Variants in RNF144A observed in about 807,000 individuals in gnomAD.
RNF144A encodes E3 ubiquitin-protein ligase RNF144A.
In RNF144A, 11 loss-of-function variants were observed where a neutral mutation model predicts 38.7. The ratio of observed to expected loss-of-function variants is 0.28; its 90% CI spans 0.18 to 0.47. The LOEUF is 0.47. RNF144A is among the 20% of genes least tolerant of loss of function. RNF144A has a pLI of 0.99. For synonymous variants in RNF144A, 149 were observed against 143.9 expected (o/e 1.04, Z -0.25); for missense variants, 316 against 377.2 (o/e 0.84, Z 1.34).
downstream of RNF144A, among the ~76,000 whole-genome samples, chr2:7,072,936 A>T (rs1336108239): frequency 6.6e-6 from 1 of 152,180 alleles, no homozygotes; most frequent in Non-Finnish European, 1.5e-5. Context: ...CTAGCATCTG[A>T]TCTGGAATCT....
chr2:7,068,357 T>C, downstream of RNF144A: 1 of 734,614 alleles, frequency 1.4e-6, no homozygotes, highest in Non-Finnish European at 2.1e-6. Context: ...TGAAACTTTA[T>C]AGTGAAAATG....
chr2:6,923,944 C>T (rs138560877), intron 1 of RNF144A, among the ~76,000 whole-genome samples: 1 of 152,308 alleles, frequency 6.6e-6, no homozygotes, highest in African/African-American at 2.4e-5. Flanking sequence ...CAGTGCCTAT[C>T]ATGCTCTTTC....
chr2:6,940,204 C>T (rs536998327), intron 1 of RNF144A, among the ~76,000 whole-genome samples: 5 of 152,158 alleles, frequency 3.3e-5, no homozygotes, highest in Non-Finnish European at 5.9e-5. Context: ...CTTCCATCCA[C>T]GAACATGGGA....
Position 6,941,217 on chromosome 2 carries a change from A to G in RNF144A, c.-12+70A>G, listed in dbSNP as rs1390725816. 5 of 152,362 alleles carry G rather than the reference A, an allele frequency of 3.3e-5. No homozygotes were observed. Among genetic ancestry groups the G allele is most frequent in the African/African-American group, 1.2e-4 (5 of 41,594 alleles). 9.4% of individuals were successfully genotyped at this position (152,362 alleles called of 1,614,324 possible). A position where few individuals can be genotyped will look rare whatever the true frequency, so the allele number is the denominator to read the frequency against. On this transcript the variant is annotated intron_variant, in intron 2 of 8. Transcript: ENST00000320892. The surrounding 1 kb of genome is among the most constrained non-coding windows in gnomAD (Gnocchi z 6.5). ...TCTCTTCTTAGTGGAATCTCAGGCCATTGTTGGAAAAGATAGTAGGCCTGC... is the reference window on the plus strand; with the variant it reads ...TCTCTTCTTAGTGGAATCTCAGGCCGTTGTTGGAAAAGATAGTAGGCCTGC...
chr2:7,073,783 G>T, the RNF144A span, among the ~76,000 whole-genome samples: 361 of 152,278 alleles, frequency 2.4e-3, 1 homozygote, highest in Admixed American at 4.9e-3. Flanking sequence ...GATATAAATT[G>T]GTCCTTGTAG....
At chr2:7,058,214 G>A (rs192380926) in intron 6 of RNF144A, among the ~76,000 whole-genome samples, 73 of 151,864 alleles carry the variant, frequency 4.8e-4, no homozygotes, top group African/African-American at 1.7e-3. Context: ...CAAAAAGTAG[G>A]AATTAGATCA....
At chr2:7,076,193 G>GT in the RNF144A span, among the ~76,000 whole-genome samples, 3 of 152,030 alleles carry the variant, frequency 2.0e-5, no homozygotes, top group Non-Finnish European at 4.4e-5. Context: ...GTGGTTGACA[G>GT]TTTTTTTCTA....
At chr2:6,948,143 A>C (rs1181355716) in intron 2 of RNF144A, among the ~76,000 whole-genome samples, 1 of 152,204 alleles carries the variant, frequency 6.6e-6, no homozygotes, top group Non-Finnish European at 1.5e-5. Context: ...TCCCAGCTGC[A>C]AGGAAGACTG....
chr2:6,992,589 G>A (rs1669466105), intron 2 of RNF144A, among the ~76,000 whole-genome samples: 1 of 152,210 alleles, frequency 6.6e-6, no homozygotes, highest in Non-Finnish European at 1.5e-5. Context: ...CTTGCTGGAG[G>A]AAGGCATGAA....
chr2:6,948,975 G>T (rs1161791249), intron 2 of RNF144A, among the ~76,000 whole-genome samples: 2 of 152,204 alleles, frequency 1.3e-5, no homozygotes, highest in African/African-American at 4.8e-5. Context: ...AGGTCATTGG[G>T]GGCAGAGGAG....
chr2:7,063,854 T>C (rs562991861), intron 6 of RNF144A, among the ~76,000 whole-genome samples: 177 of 152,386 alleles, frequency 1.2e-3, no homozygotes, highest in African/African-American at 4.1e-3. Flanking sequence ...TCATAAAATA[T>C]GCCTTAGTCC....
At chr2:6,990,186 C>T (rs1669238954) in intron 2 of RNF144A, among the ~76,000 whole-genome samples, 2 of 152,018 alleles carry the variant, frequency 1.3e-5, no homozygotes, top group Admixed American at 6.5e-5. Flanking sequence ...AGGGTGCCAG[C>T]GTGCTTGAGT....
At chr2:7,067,877 A>G (rs1674298985) in intron 6 of RNF144A, among the ~76,000 whole-genome samples, 2 of 152,132 alleles carry the variant, frequency 1.3e-5, no homozygotes, top group African/African-American at 2.4e-5. Flanking sequence ...AGTATTTTCA[A>G]TATATGACCA....
At chr2:6,993,225 A>G (rs1319763834) in intron 2 of RNF144A, among the ~76,000 whole-genome samples, 1 of 152,168 alleles carries the variant, frequency 6.6e-6, no homozygotes, top group East Asian at 1.9e-4. Context: ...TGTTGGGGAA[A>G]GAATAGTGAT....
chr2:6,925,065 G>A (rs1250380188), intron 1 of RNF144A, among the ~76,000 whole-genome samples: 1 of 152,244 alleles, frequency 6.6e-6, no homozygotes, highest in East Asian at 1.9e-4. Flanking sequence ...GATAGCGTAT[G>A]CACTGGAGCT....
At position 7,041,296 on chromosome 2, in the gene RNF144A, A is replaced by T. The variant is rs183233754; in HGVS notation, c.*1536A>T. 1.2e-5 allele frequency: 12 copies of T among 985,790 alleles called. No individual in the cohort carries two copies. In the African/African-American group the frequency reaches 1.7e-4, roughly 14 times the overall value. The allele number at this position is 985,790 out of a possible 1,614,324, so 61.1% of individuals were successfully genotyped here. ...CATTTGAGTATCAGTCTCAGGTCCT[A>T]GTTTACTTTCCCTGGTTGGAAATTT... On this transcript the variant is annotated 3_prime_UTR_variant, in exon 9 of 9. Transcript: ENST00000320892.
chr2:6,955,659 C>T (rs1396408455), intron 2 of RNF144A, among the ~76,000 whole-genome samples: 2 of 152,140 alleles, frequency 1.3e-5, no homozygotes, highest in Non-Finnish European at 2.9e-5. Context: ...CCCAATTTTC[C>T]AGCCAGACTT....
chr2:6,951,843 G>A (rs1321673355), intron 2 of RNF144A, among the ~76,000 whole-genome samples: 1 of 151,996 alleles, frequency 6.6e-6, no homozygotes, highest in East Asian at 1.9e-4. Context: ...TACATATACT[G>A]TATTTTTAAA....
rs1349224908 is a variant in RNF144A, at chr2:7,041,004, A to AT, written c.*1246dup. On this transcript the variant is annotated 3_prime_UTR_variant, in exon 9 of 9. Coordinates refer to ENST00000320892, the MANE Select transcript of RNF144A (RefSeq NM_014746.6). ...GGATTAATAAGGACACATACACATT[A>AT]TTCCACCAATTGACTTTGAAAAGTG... 18 of 985,292 alleles carry AT rather than the reference A, an allele frequency of 1.8e-5. No individual in the cohort carries two copies. The African/African-American group carries it at 3.1e-4, about 17-fold the overall frequency. 61.0% of individuals were successfully genotyped at this position (985,292 alleles called of 1,614,324 possible).
Sources: gnomAD v4.1 joint callset for allele counts (sites outside exome capture counted in the v4.1 genomes callset) on GRCh38, gnomAD v4.1.1 for gene constraint, Gnocchi (gnomAD v3.1) non-coding constraint, MANE v1.5 for transcripts, NCBI Gene and HGNC (gene_info 2026-07-23, HGNC 2026-07-21) for gene names.